CRISPLD2: variants seen among roughly 807,000 people sequenced by gnomAD.
CRISPLD2 encodes cysteine-rich secretory protein LCCL domain-containing 2.
Under a neutral mutation model 71.1 loss-of-function variants are expected in CRISPLD2, and 47 were observed. The observed-to-expected ratio is 0.66, with a 90% confidence interval of 0.52 to 0.84. The LOEUF (loss-of-function observed/expected upper bound fraction) is 0.84, where lower values mean the gene tolerates loss of function less well. Among genes scored for constraint, CRISPLD2 ranks in the 40% least tolerant of loss-of-function variants. The pLI is 0.00. For synonymous variants in CRISPLD2, 317 were observed against 250.1 expected (o/e 1.27, Z -2.52); for missense variants, 830 against 651.1 (o/e 1.27, Z -2.99).
At chr16:84,905,711 T>C (rs941944468) in intron 14 of CRISPLD2, among the ~76,000 whole-genome samples, 3 of 148,264 alleles carry the variant, frequency 2.0e-5, no homozygotes, top group African/African-American at 7.4e-5. Flanking sequence ...AAAGCTCTTT[T>C]TTTTTTTTTT....
intron 5 of CRISPLD2, among the ~76,000 whole-genome samples, chr16:84,853,506 C>T (rs1917146145): frequency 6.6e-6 from 1 of 152,238 alleles, no homozygotes; most frequent in Non-Finnish European, 1.5e-5. Flanking sequence ...GTCCTCCCCA[C>T]ACTGCACGGC....
At chr16:84,894,949 C>T (rs1383573724) in intron 14 of CRISPLD2, among the ~76,000 whole-genome samples, 1 of 152,018 alleles carries the variant, frequency 6.6e-6, no homozygotes, top group South Asian at 2.1e-4. Context: ...AGATACTAAG[C>T]TATCATTTCC....
intron 6 of CRISPLD2, among the ~76,000 whole-genome samples, chr16:84,857,801 T>C (rs547980163): frequency 7.9e-5 from 12 of 152,334 alleles, no homozygotes; most frequent in African/African-American, 2.9e-4. Context: ...GTGGCAGCAG[T>C]GGAGACCATG....
chr16:84,871,720 T>A (rs958075027), intron 8 of CRISPLD2, among the ~76,000 whole-genome samples: 2 of 151,958 alleles, frequency 1.3e-5, no homozygotes, highest in African/African-American at 4.8e-5. Flanking sequence ...CGCGGCTAAT[T>A]TTTATATTTT....
Position 84,850,685 on chromosome 16 carries a change from T to G in CRISPLD2, c.608+2T>G. The G allele has an allele frequency of 6.2e-7, 1 of 1,611,122 alleles. No individual in the cohort carries two copies. The highest frequency in any genetic ancestry group is 8.5e-7 in the Non-Finnish European group (1 of 1,177,206). ...CTTTGTCTGCAATTATTCTCCAAAG[T>G]AAGACAAGTTGATGCCGTTGTATGG... On this transcript the variant is annotated splice_donor_variant, in intron 5 of 14. Transcript: ENST00000262424. LOFTEE classifies it high-confidence loss of function.
chr16:84,847,873 C>G (rs1196858750), intron 3 of CRISPLD2, among the ~76,000 whole-genome samples: 1 of 152,136 alleles, frequency 6.6e-6, no homozygotes, highest in African/African-American at 2.4e-5. Context: ...TTCAGTGATA[C>G]AGTTGTCATG....
intron 6 of CRISPLD2, among the ~76,000 whole-genome samples, chr16:84,858,039 C>A (rs1917288163): frequency 6.6e-6 from 1 of 152,164 alleles, no homozygotes; most frequent in African/African-American, 2.4e-5. Flanking sequence ...AGTAACAGGC[C>A]AAGAGCTGTC....
chr16:84,849,297 C>T, intron 3 of CRISPLD2, 88 bp from the exon 4 acceptor site: 1 of 1,356,214 alleles, frequency 7.4e-7, no homozygotes, highest in Non-Finnish European at 1.0e-6. Context: ...CTCGGCCTCC[C>T]TCCCTCCTAC....
At position 84,838,651 on chromosome 16, in the gene CRISPLD2, C is replaced by G; in HGVS notation, c.156C>G (p.Pro52=). Residue 52 remains proline, a synonymous_variant, in exon 2 of 15, where the codon CCC becomes CCG. Transcript: ENST00000262424. Reference sequence around the variant, plus strand: ...ACTCCCGGGTCCGCAGAGCCATCCCCAGGGAGGACAAGGAGGAGATCCTCA... The same window carrying G: ...ACTCCCGGGTCCGCAGAGCCATCCCGAGGGAGGACAAGGAGGAGATCCTCA... ...ESHSRVRRAI[P]REDKEEILML... 1 of 1,614,246 alleles carries G rather than the reference C, an allele frequency of 6.2e-7. No homozygotes were observed. Among genetic ancestry groups the G allele is most frequent in the Non-Finnish European group, 8.5e-7 (1 of 1,180,042 alleles).
chr16:84,823,865 C>G (rs1182688554), intron 1 of CRISPLD2, among the ~76,000 whole-genome samples: 6 of 152,154 alleles, frequency 3.9e-5, no homozygotes. Flanking sequence ...ATCCCAATTT[C>G]TGGAACGTGT....
intron 6 of CRISPLD2, among the ~76,000 whole-genome samples, chr16:84,857,723 C>T (rs1362922329): frequency 1.3e-5 from 2 of 152,176 alleles, no homozygotes; most frequent in Non-Finnish European, 2.9e-5. Context: ...AGTCTTTTTT[C>T]ATCTGTCAAC....
rs371086054 is a variant in CRISPLD2 at position 84,871,288 on chromosome 16, G to C, written c.915-1154G>C. On this transcript the variant is annotated intron_variant, in intron 8 of 14. Transcript: ENST00000262424. ...AAATCCTTGCAGGCCAGGCATGGTG[G>C]CTTGTGCCTGTAACCTCAGCACCTT... Among the ~76,000 whole-genome samples, 14 of 152,210 alleles carry C rather than the reference G, an allele frequency of 9.2e-5. 1 individual carries two copies. The highest frequency in any genetic ancestry group is 4.6e-4 in the Admixed American group (7 of 15,282).
intron 1 of CRISPLD2, among the ~76,000 whole-genome samples, chr16:84,825,202 G>T (rs1916321744): frequency 6.6e-6 from 1 of 152,012 alleles, no homozygotes; most frequent in South Asian, 2.1e-4. Flanking sequence ...TTTGGGAAAT[G>T]CTGGATCAAG....
intron 13 of CRISPLD2, among the ~76,000 whole-genome samples, chr16:84,884,038 T>G (rs1397235396): frequency 1.3e-5 from 2 of 151,948 alleles, no homozygotes; most frequent in Non-Finnish European, 2.9e-5. Context: ...AGAGACAGGG[T>G]TTCTCCATGT....
At chr16:84,871,009 G>C (rs2071463974) in intron 8 of CRISPLD2, among the ~76,000 whole-genome samples, 1 of 152,096 alleles carries the variant, frequency 6.6e-6, no homozygotes, top group African/African-American at 2.4e-5. Context: ...AATGAGCCGA[G>C]GTGTACTGGT....
chr16:84,892,789 A>T (rs1211042000), intron 14 of CRISPLD2, among the ~76,000 whole-genome samples: 1 of 151,918 alleles, frequency 6.6e-6, no homozygotes, highest in Non-Finnish European at 1.5e-5. Context: ...CAGCCTGACC[A>T]ACATGGTGAA....
chr16:84,831,031 A>T (rs1190300702), intron 1 of CRISPLD2, among the ~76,000 whole-genome samples: 1 of 152,130 alleles, frequency 6.6e-6, no homozygotes, highest in Non-Finnish European at 1.5e-5. Flanking sequence ...TTACCATCCC[A>T]CCACTGTTCC....
chr16:84,881,688 C>G (rs1158307244), intron 13 of CRISPLD2, among the ~76,000 whole-genome samples: 2 of 152,170 alleles, frequency 1.3e-5, no homozygotes, highest in African/African-American at 2.4e-5. Flanking sequence ...GTTGCCCAGG[C>G]TGATCTCGAA....
chr16:84,836,101 T>G (rs1916610880), intron 1 of CRISPLD2: 1 of 152,196 alleles, frequency 6.6e-6, no homozygotes, highest in African/African-American at 2.4e-5. Flanking sequence ...CAAAATTATT[T>G]TAACATGTTG....
Sources: gnomAD v4.1 joint callset for allele counts (sites outside exome capture counted in the v4.1 genomes callset) on GRCh38, gnomAD v4.1.1 for gene constraint, MANE v1.5 for transcripts, NCBI Gene and HGNC (gene_info 2026-07-23, HGNC 2026-07-21) for gene names.